Variants in ARHGAP10 observed in about 807,000 individuals in gnomAD.
ARHGAP10 encodes the protein rho GTPase-activating protein 10.
ARHGAP10 carries 87 observed loss-of-function variants against 108.6 expected under a neutral mutation model. The ratio of observed to expected loss-of-function variants is 0.80; its 90% confidence interval spans 0.67 to 0.96. The LOEUF (loss-of-function observed/expected upper bound fraction) is 0.96, where lower values mean the gene tolerates loss of function less well. Ranked by LOEUF, ARHGAP10 falls within the 40% of genes least tolerant of loss-of-function variation. The pLI is 0.00. For synonymous variants in ARHGAP10, 347 were observed against 341.1 expected (o/e 1.02, Z -0.19); for missense variants, 939 against 954.5 (o/e 0.98, Z 0.21).
intron 10 of ARHGAP10, among the ~76,000 whole-genome samples, chr4:147,891,067 T>A (rs1402307072): frequency 1.3e-5 from 2 of 152,214 alleles, no homozygotes; most frequent in African/African-American, 4.8e-5. Context: ...AAACAGTTTG[T>A]CAGTTCTTCA....
chr4:147,982,417 TG>T (rs1739848596), intron 18 of ARHGAP10, among the ~76,000 whole-genome samples: 2 of 150,016 alleles, frequency 1.3e-5, no homozygotes, highest in Non-Finnish European at 3.0e-5. Context: ...TTGCCCAGGC[TG>T]GAGTGCAGTG....
At chr4:147,978,486 G>A (rs1029512036) in intron 18 of ARHGAP10, among the ~76,000 whole-genome samples, 3 of 152,124 alleles carry the variant, frequency 2.0e-5, no homozygotes, top group African/African-American at 7.2e-5. Context: ...AATGGGGGTG[G>A]ATTTTCCCCA....
chr4:147,854,752 T>TA, intron 4 of ARHGAP10: 1 of 984,740 alleles, frequency 1.0e-6, no homozygotes, highest in Non-Finnish European at 1.2e-6. Flanking sequence ...AAGAAATAAT[T>TA]ACCTGCGTTT....
chr4:147,960,210 G>A (rs1383723557), intron 16 of ARHGAP10, among the ~76,000 whole-genome samples: 1 of 151,760 alleles, frequency 6.6e-6, no homozygotes, highest in Non-Finnish European at 1.5e-5. Context: ...TTTGTTTCTG[G>A]TGATAAATTT....
At chr4:147,866,886 A>G in intron 7 of ARHGAP10, 70 bp downstream of exon 7, 2 of 1,316,660 alleles carry the variant, frequency 1.5e-6, no homozygotes, top group Non-Finnish European at 2.2e-6. Flanking sequence ...GTTGTATGAA[A>G]AGCCTTAATT....
chr4:147,963,000 C>T (rs756835233), intron 16 of ARHGAP10, among the ~76,000 whole-genome samples: 1 of 152,148 alleles, frequency 6.6e-6, no homozygotes, highest in Non-Finnish European at 1.5e-5. Context: ...TCCCACATAA[C>T]TTTTTCCTCC....
At chr4:148,003,276 G>A (rs892871594) in intron 18 of ARHGAP10, among the ~76,000 whole-genome samples, 3 of 152,206 alleles carry the variant, frequency 2.0e-5, no homozygotes, top group Non-Finnish European at 4.4e-5. Flanking sequence ...TGTGGTCTGA[G>A]AGATAGTTTG....
At chr4:148,020,811 G>T (rs770696890) in intron 18 of ARHGAP10, among the ~76,000 whole-genome samples, 8 of 152,180 alleles carry the variant, frequency 5.3e-5, no homozygotes, top group Non-Finnish European at 1.2e-4. Context: ...TATATACCCA[G>T]TAATGGGATT....
chr4:147,790,608 G>T (rs1731079718), intron 1 of ARHGAP10, among the ~76,000 whole-genome samples: 1 of 152,186 alleles, frequency 6.6e-6, no homozygotes, highest in Non-Finnish European at 1.5e-5. Flanking sequence ...CACCTCTTAT[G>T]AGTCAGGCCC....
chr4:147,826,935 A>G (rs948496211), intron 3 of ARHGAP10, among the ~76,000 whole-genome samples: 1 of 152,164 alleles, frequency 6.6e-6, no homozygotes, highest in East Asian at 1.9e-4. Flanking sequence ...GAGTCCAAAC[A>G]TATTACATTT....
At chr4:147,995,970 G>C (rs1347637326) in intron 18 of ARHGAP10, among the ~76,000 whole-genome samples, 3 of 152,196 alleles carry the variant, frequency 2.0e-5, no homozygotes, top group African/African-American at 7.2e-5. Context: ...GCCTGCCTCA[G>C]CCTCCCAAAG....
At chr4:148,044,770 G>A (rs956012011) in intron 19 of ARHGAP10, among the ~76,000 whole-genome samples, 18 of 152,158 alleles carry the variant, frequency 1.2e-4, no homozygotes, top group African/African-American at 3.9e-4. Context: ...GGGCACAGGG[G>A]ATGATGTGGT....
At chr4:147,905,414 G>A (rs2126907600) in intron 10 of ARHGAP10, among the ~76,000 whole-genome samples, 1 of 140,762 alleles carries the variant, frequency 7.1e-6, no homozygotes, top group East Asian at 2.0e-4. Flanking sequence ...TTTGTATAAG[G>A]TGTAAGGAAG....
intron 18 of ARHGAP10, among the ~76,000 whole-genome samples, chr4:148,012,585 G>A (rs10002890): frequency 0.12 from 18,580 of 152,078 alleles, 1,742 homozygotes; most frequent in African/African-American, 0.26. Flanking sequence ...GAAACATTTC[G>A]GTTGGATGGT....
At chr4:148,018,162 C>T (rs1253512345) in intron 18 of ARHGAP10, among the ~76,000 whole-genome samples, 3 of 152,068 alleles carry the variant, frequency 2.0e-5, no homozygotes, top group African/African-American at 7.2e-5. Flanking sequence ...GAAATTTTCA[C>T]CCTGTGGGGA....
chr4:148,009,828 GC>G lies in ARHGAP10; in HGVS notation c.1717-13432del, dbSNP rs538903163. Among the ~76,000 whole-genome samples, 3 of 152,186 alleles carry G rather than the reference GC, an allele frequency of 2.0e-5. No individual in the cohort carries two copies. The East Asian group carries it at 5.8e-4, about 29-fold the overall frequency. Reference sequence around the variant, plus strand: ...GAATGAGTGTTTGAAATTGCCTTTGGCCCTTTGAGTCGAGTTTCCTTTTGGG... The same window carrying G: ...GAATGAGTGTTTGAAATTGCCTTTGGCCTTTGAGTCGAGTTTCCTTTTGGG... On this transcript the variant is annotated intron_variant, in intron 18 of 22. Transcript: ENST00000336498.
chr4:148,023,307 C>T lies in ARHGAP10; in HGVS notation c.1761C>T (p.Cys587=), dbSNP rs1741642349. ...ATACTACATTCCCTGAGCCCACCTG[C>T]CTGTCAGCATCACCCCCAAATGCGC... ...PPDTTFPEPT[C]LSASPPNAPP... Residue 587 remains cysteine, a synonymous_variant, in exon 19 of 23, where the codon TGC becomes TGT. Coordinates refer to ENST00000336498, the MANE Select transcript of ARHGAP10 (RefSeq NM_024605.4). The T allele has an allele frequency of 6.2e-7, 1 of 1,614,050 alleles. No homozygotes were observed. The highest frequency in any genetic ancestry group is 1.3e-5 in the African/African-American group (1 of 74,926).
intron 10 of ARHGAP10, among the ~76,000 whole-genome samples, chr4:147,904,851 G>A (rs542141455): frequency 3.8e-3 from 580 of 152,292 alleles, no homozygotes; most frequent in Non-Finnish European, 6.8e-3. Flanking sequence ...CCCACCAACA[G>A]TGTAAAAGTG....
At chr4:147,817,111 A>G (rs1462837974) in intron 1 of ARHGAP10, among the ~76,000 whole-genome samples, 1 of 152,238 alleles carries the variant, frequency 6.6e-6, no homozygotes, top group African/African-American at 2.4e-5. Flanking sequence ...TTGTATTCAG[A>G]TTTAATGAGT....
Sources: gnomAD v4.1 joint callset for allele counts (sites outside exome capture counted in the v4.1 genomes callset) on GRCh38, gnomAD v4.1.1 for gene constraint, MANE v1.5 for transcripts, NCBI Gene and HGNC (gene_info 2026-07-23, HGNC 2026-07-21) for gene names.